YJU2B: variants seen among roughly 807,000 people sequenced by gnomAD.
YJU2B encodes YJU2 splicing factor homolog B.
YJU2B carries 18 observed loss-of-function variants against 38.0 expected under a neutral mutation model. That is an observed-to-expected ratio of 0.47 (90% CI 0.33 to 0.70). The LOEUF is 0.70. YJU2B is among the 30% of genes least tolerant of loss of function. The probability of loss-of-function intolerance (pLI) is 0.02; values close to 1 mark genes in which losing one functional copy is unlikely to be tolerated. For missense variants in YJU2B, 538 were observed against 556.3 expected, an observed-to-expected ratio of 0.97 and a Z score of 0.33; for synonymous variants, 246 against 225.4, an observed-to-expected ratio of 1.09 and a Z score of -0.82.
In YJU2B at chr19:13,752,428, C is replaced by T. The variant is rs537527231; in HGVS notation, c.3+617C>T. Among the ~76,000 whole-genome samples the T allele has an allele frequency of 4.1e-3, 629 of 151,676 alleles. 2 individuals carry two copies. Among genetic ancestry groups the T allele is most frequent in the African/African-American group, 0.015 (608 of 41,380 alleles). The stretch of plus-strand genomic sequence containing the variant: ...TTTGAGACCAGCCTGGCCAACATGG[C>T]GAAACCCTGTCTCTACTAAAAATAC... On this transcript the variant is annotated intron_variant, in intron 2 of 9. Coordinates refer to ENST00000221554, the MANE Select transcript of YJU2B (RefSeq NM_030818.4).
At chr19:13,762,036 A>T (rs1473097503) in intron 8 of YJU2B, among the ~76,000 whole-genome samples, 1 of 152,096 alleles carries the variant, frequency 6.6e-6, no homozygotes, top group African/African-American at 2.4e-5. Context: ...TACAAAAATA[A>T]ATGTTTTAAT....
intron 1 of YJU2B, among the ~76,000 whole-genome samples, chr19:13,749,723 C>T (rs1486398161): frequency 6.6e-6 from 1 of 151,028 alleles, no homozygotes; most frequent in African/African-American, 2.4e-5. Flanking sequence ...AGCTCCGCCT[C>T]CCGGGTTCAC....
chr19:13,758,196 C>T (rs985896020), intron 6 of YJU2B, among the ~76,000 whole-genome samples: 1 of 152,198 alleles, frequency 6.6e-6, no homozygotes, highest in African/African-American at 2.4e-5. Context: ...CCCCAGGTAG[C>T]TCCAAGGCTC....
chr19:13,732,678 CG>C (rs1266770518), intron 2 of YJU2B: 2 of 146,762 alleles, frequency 1.4e-5, no homozygotes, highest in African/African-American at 5.1e-5. Flanking sequence ...GGCACGATCT[CG>C]GCTCACTGCA....
At chr19:13,750,332 T>G (rs1467188433) in intron 1 of YJU2B, among the ~76,000 whole-genome samples, 1 of 152,080 alleles carries the variant, frequency 6.6e-6, no homozygotes, top group Non-Finnish European at 1.5e-5. Context: ...GTTTGAGCCA[T>G]TCTCCTGCCT....
chr19:13,733,744 A>G (rs1029991608), intron 2 of YJU2B, among the ~76,000 whole-genome samples: 43 of 152,102 alleles, frequency 2.8e-4, no homozygotes, highest in African/African-American at 9.7e-4. Context: ...AACGAACATT[A>G]GACGCCATGA....
chr19:13,757,966 G>GT (rs1973733509), intron 6 of YJU2B, 120 bp downstream of exon 6: 2 of 854,918 alleles, frequency 2.3e-6, no homozygotes, highest in Non-Finnish European at 3.8e-6. Context: ...AATCGCCCTG[G>GT]TTGGTGAATC....
At chr19:13,749,723 C>G (rs1486398161) in intron 1 of YJU2B, among the ~76,000 whole-genome samples, 1 of 151,028 alleles carries the variant, frequency 6.6e-6, no homozygotes, top group South Asian at 2.1e-4. Flanking sequence ...AGCTCCGCCT[C>G]CCGGGTTCAC....
intron 8 of YJU2B, chr19:13,759,509 A>G (rs1973804651): frequency 2.2e-6 from 1 of 453,696 alleles, no homozygotes; most frequent in Non-Finnish European, 3.9e-6. Flanking sequence ...CACGCCTGTA[A>G]TCCAGCACAT....
At position 13,760,555 on chromosome 19, in the gene YJU2B, GC is replaced by G. The variant is rs1432773206; in HGVS notation, c.573+1285del. On this transcript the variant is annotated intron_variant, in intron 8 of 9. Coordinates refer to ENST00000221554, the MANE Select transcript of YJU2B (RefSeq NM_030818.4). ...CCATAGCTCACCCCTACCTCACCAT[GC>G]CATGGGAGATACCTACCTGGTTGCC... 2.6e-5 allele frequency among the ~76,000 whole-genome samples: 4 copies of G among 152,028 alleles called. No homozygotes were observed. In the East Asian group the frequency reaches 7.7e-4, roughly 29 times the overall value.
At position 13,759,045 on chromosome 19, in the gene YJU2B, G is replaced by A. The variant is rs748535739; in HGVS notation, c.400+35G>A. On this transcript the variant is annotated intron_variant, in intron 7 of 9. Coordinates refer to ENST00000221554, the MANE Select transcript of YJU2B (RefSeq NM_030818.4). The stretch of plus-strand genomic sequence containing the variant: ...ACCCACTTACCTGCCTGGGGGCCCT[G>A]GCCCTGAGTCTGCGCTGGGGCCCCC... 134 of 1,612,006 alleles carry A rather than the reference G, an allele frequency of 8.3e-5. 1 individual carries two copies. In the East Asian group the frequency reaches 2.9e-3, roughly 35 times the overall value.
chr19:13,739,996 T>C (rs1291828857), intron 2 of YJU2B, among the ~76,000 whole-genome samples: 2 of 152,148 alleles, frequency 1.3e-5, no homozygotes, highest in African/African-American at 2.4e-5. Context: ...GAACATGCGG[T>C]GTTTGGTTTC....
upstream of YJU2B, among the ~76,000 whole-genome samples, chr19:13,747,299 GA>G (rs1220463178): frequency 6.6e-6 from 1 of 152,122 alleles, no homozygotes; most frequent in Non-Finnish European, 1.5e-5. Flanking sequence ...GCTGAAATTT[GA>G]ATGTTTTATT....
At chr19:13,751,100 A>C (rs1273926319) in intron 1 of YJU2B, among the ~76,000 whole-genome samples, 1 of 152,220 alleles carries the variant, frequency 6.6e-6, no homozygotes, top group East Asian at 1.9e-4. Context: ...GGGTTTAAGC[A>C]GGAGAGTGAC....
In YJU2B at chr19:13,735,115, A is replaced by G. The variant is rs987400151; in HGVS notation, c.-202+2830A>G. On this transcript the variant is annotated intron_variant, in intron 2 of 10. Coordinates refer to the YJU2B transcript ENST00000586600. ...TGGATCACCTGAGGTCAGGAGTTCA[A>G]GACCAGCCTGGCCAACATGGTGAAA... Among the ~76,000 whole-genome samples the G allele has an allele frequency of 2.6e-5, 4 of 152,268 alleles. No homozygotes were observed. In the East Asian group the frequency reaches 7.8e-4, roughly 30 times the overall value.
intron 9 of YJU2B, 33 bp downstream of exon 9, chr19:13,762,470 G>T: frequency 1.2e-6 from 2 of 1,605,934 alleles, no homozygotes; most frequent in South Asian, 1.1e-5. Flanking sequence ...AAGGGGACAG[G>T]GAGGCTCAGA....
intron 2 of YJU2B, among the ~76,000 whole-genome samples, chr19:13,752,058 A>C (rs1473255739): frequency 6.6e-6 from 1 of 152,046 alleles, no homozygotes; most frequent in Non-Finnish European, 1.5e-5. Context: ...GCTGGAGTGC[A>C]GTGGCACGCT....
At chr19:13,750,429 G>A (rs1472381283) in intron 1 of YJU2B, among the ~76,000 whole-genome samples, 3 of 152,102 alleles carry the variant, frequency 2.0e-5, no homozygotes, top group Non-Finnish European at 4.4e-5. Flanking sequence ...GTTTCACCAT[G>A]TTGGCCAGGC....
At chr19:13,741,541 G>C (rs1407330788) in intron 2 of YJU2B, among the ~76,000 whole-genome samples, 1 of 149,834 alleles carries the variant, frequency 6.7e-6, no homozygotes, top group East Asian at 2.0e-4. Context: ...CCCAAGAGTA[G>C]CCTGGGCAAC....
Sources: gnomAD v4.1 joint callset for allele counts (sites outside exome capture counted in the v4.1 genomes callset) on GRCh38, gnomAD v4.1.1 for gene constraint, MANE v1.5 for transcripts, NCBI Gene and HGNC (gene_info 2026-07-23, HGNC 2026-07-21) for gene names.